Variants in NUDT11 observed in about 807,000 individuals in gnomAD.
NUDT11 encodes the protein diphosphoinositol polyphosphate phosphohydrolase 3-beta.
In NUDT11, 1 loss-of-function variant was observed where a neutral mutation model predicts 10.0. That is an observed-to-expected ratio of 0.10 (90% CI 0.04 to 0.47). The LOEUF (loss-of-function observed/expected upper bound fraction) is 0.47, where lower values mean the gene tolerates loss of function less well. Among genes scored for constraint, NUDT11 ranks in the 20% least tolerant of loss-of-function variants. The pLI is 0.96. For missense variants in NUDT11, 47 were observed against 140.4 expected (o/e 0.33, Z 3.36); for synonymous variants, 63 against 65.9 (o/e 0.96, Z 0.21).
Position 51,496,530 on chromosome X carries a change from G to C in NUDT11, c.-86C>G, listed in dbSNP as rs782114397. On this transcript the variant is annotated 5_prime_UTR_variant, in exon 1 of 2. Transcript: ENST00000375992. The stretch of plus-strand genomic sequence containing the variant: ...CTGCCGCTGCCGCCGCCGGGGAACA[G>C]CCGAGGTGCTGGGAAGAGAAAGGGC... 3 of 1,168,007 alleles carry C rather than the reference G, an allele frequency of 2.6e-6. No individual in the cohort carries two copies. The South Asian group carries it at 6.0e-5, about 23-fold the overall frequency.
intron 1 of NUDT11, among the ~76,000 whole-genome samples, chrX:51,493,044 G>A (rs782468833): frequency 1.8e-5 from 2 of 112,503 alleles, no homozygotes; most frequent in African/African-American, 3.2e-5. Flanking sequence ...TTATTTTCGA[G>A]TTTCTTCCCT....
intron 1 of NUDT11, among the ~76,000 whole-genome samples, chrX:51,493,722 C>T (rs1292389124): frequency 9.1e-6 from 1 of 109,384 alleles, no homozygotes; most frequent in African/African-American, 3.3e-5. Flanking sequence ...TGAAAAGTAA[C>T]ACTACATATT....
chrX:51,494,990 C>T (rs1752241265), intron 1 of NUDT11, among the ~76,000 whole-genome samples: 1 of 111,643 alleles, frequency 9.0e-6, no homozygotes, highest in Non-Finnish European at 1.9e-5. Flanking sequence ...CAAAAACGAA[C>T]TTAAATCCAG....
At chrX:51,494,696 G>C (rs1237093097) in intron 1 of NUDT11, among the ~76,000 whole-genome samples, 4 of 111,267 alleles carry the variant, frequency 3.6e-5, no homozygotes, top group Non-Finnish European at 5.7e-5. Context: ...AAAATAATGA[G>C]TAGGAGGTTT....
chrX:51,496,585 C>T lies in NUDT11; in HGVS notation c.-141G>A. The T allele has an allele frequency of 9.9e-7, 1 of 1,013,082 alleles. No homozygotes were observed. The highest frequency in any genetic ancestry group is 3.4e-5 in the East Asian group (1 of 29,316). The allele number at this position is 1,013,082 out of a possible 1,213,427, so 83.5% of individuals were successfully genotyped here. ...GCGAGGGGCGGGGAAAGAGAGGCGC[C>T]TCCGTCTGCCCGCGAGCCCGGGGAG... On this transcript the variant is annotated 5_prime_UTR_variant, in exon 1 of 2. Transcript: ENST00000375992.
rs2768104 is a variant in NUDT11, at chrX:51,496,574, A to G, written c.-130T>C. On this transcript the variant is annotated 5_prime_UTR_variant, in exon 1 of 2. Transcript: ENST00000375992. Reference sequence around the variant, plus strand: ...AAAGGGCCGAGGCGAGGGGCGGGGAAAGAGAGGCGCCTCCGTCTGCCCGCG... The same window carrying G: ...AAAGGGCCGAGGCGAGGGGCGGGGAGAGAGAGGCGCCTCCGTCTGCCCGCG... 11 of 1,042,071 alleles carry G rather than the reference A, an allele frequency of 1.1e-5. No homozygotes were observed. The highest frequency in any genetic ancestry group is 3.4e-5 in the East Asian group (1 of 29,635). 85.9% of individuals were successfully genotyped at this position (1,042,071 alleles called of 1,213,427 possible).
intron 1 of NUDT11, among the ~76,000 whole-genome samples, chrX:51,492,125 G>A (rs1444734096): frequency 8.9e-6 from 1 of 112,090 alleles, no homozygotes; most frequent in Non-Finnish European, 1.9e-5. Context: ...AACAGATTAA[G>A]TACAATAAAC....
At chrX:51,493,003 C>T (rs1040707386) in intron 1 of NUDT11, among the ~76,000 whole-genome samples, 1 of 112,448 alleles carries the variant, frequency 8.9e-6, no homozygotes, top group Non-Finnish European at 1.9e-5. Context: ...TCAATTGTTG[C>T]AAATGAATCT....
rs782693556 is a variant in NUDT11, at chrX:51,496,024, C to G, written c.421G>C (p.Glu141Gln). Residue 141 changes from glutamate (E) to glutamine (Q), a missense_variant, in exon 1 of 2, where the codon GAG becomes CAG. Glu to Gln is a conservative substitution (Grantham distance 29). Transcript: ENST00000375992. ...CHKPVHAEYLEKLKLGGSPTN... is the reference protein window; with the variant it reads ...CHKPVHAEYLQKLKLGGSPTN... ...GGGGAACCGCCCAGCTTTAGTTTCTCCAGATATTCGGCGTGCACGGGCTTG... is the reference window on the plus strand; with the variant it reads ...GGGGAACCGCCCAGCTTTAGTTTCTGCAGATATTCGGCGTGCACGGGCTTG... 3.3e-6 allele frequency: 4 copies of G among 1,208,213 alleles called. No individual in the cohort carries two copies. The African/African-American group carries it at 7.0e-5, about 21-fold the overall frequency.
chrX:51,493,397 TAGAA>T (rs1178754733), intron 1 of NUDT11, among the ~76,000 whole-genome samples: 1 of 111,791 alleles, frequency 8.9e-6, no homozygotes, highest in South Asian at 3.7e-4. Flanking sequence ...CTACTACTCT[TAGAA>T]GGAAAAAAAT....
chrX:51,492,711 G>A (rs1450103441), intron 1 of NUDT11, among the ~76,000 whole-genome samples: 1 of 111,676 alleles, frequency 9.0e-6, no homozygotes, highest in Non-Finnish European at 1.9e-5. Flanking sequence ...TTATGTTTTA[G>A]CACAGTCAGC....
Position 51,491,408 on chromosome X carries a change from C to T in NUDT11, c.*341G>A. ...TCAAAGAACCTTCAGTGATGCCAAC[C>T]ATATTTCAAGTAGTGTCTCAGATGC... On this transcript the variant is annotated 3_prime_UTR_variant, in exon 2 of 2. Coordinates refer to ENST00000375992, the MANE Select transcript of NUDT11 (RefSeq NM_018159.4). The T allele has an allele frequency of 9.6e-6, 2 of 209,419 alleles. No individual in the cohort carries two copies. The highest frequency in any genetic ancestry group is 1.7e-5 in the Non-Finnish European group (2 of 115,377). The allele number at this position is 209,419 out of a possible 1,213,427, so 17.3% of individuals were successfully genotyped here. A position where few individuals can be genotyped will look rare whatever the true frequency, so the allele number is the denominator to read the frequency against.
Position 51,496,113 on chromosome X carries a change from A to T in NUDT11, c.332T>A (p.Val111Asp). 2 of 1,211,479 alleles carry T rather than the reference A, an allele frequency of 1.7e-6. No homozygotes were observed. Among genetic ancestry groups the T allele is most frequent in the Non-Finnish European group, 2.2e-6 (2 of 895,283 alleles). ...TELLEDWEDS[V>D]SIGRKREWFK... ...CCACTCTCGCTTCCTCCCAATGCTA[A>T]CCGAATCTTCCCAATCCTCCAGCAG... The change falls in exon 1 of 2, where the codon GTT (valine) becomes GAT (aspartate). Residue 111 changes from valine (V) to aspartate (D), a missense_variant. Val to Asp is a radical substitution (Grantham distance 152, BLOSUM62 -3). Coordinates refer to ENST00000375992, the MANE Select transcript of NUDT11 (RefSeq NM_018159.4).
chrX:51,496,316 G>C lies in NUDT11; in HGVS notation c.129C>G (p.Asp43Glu). ...VLLVSSSRYP[D>E]RWIVPGGGME... ...TGCCCCCGCCCGGCACGATCCAGCG[G>C]TCCGGGTACCGGCTGCTACTCACTA... Residue 43 changes from aspartate (D) to glutamate (E), a missense_variant, in exon 1 of 2, where the codon GAC becomes GAG. By Grantham distance (45) the Asp-to-Glu change is conservative. Transcript: ENST00000375992. 1 of 1,208,348 alleles carries C rather than the reference G, an allele frequency of 8.3e-7. No homozygotes were observed. The highest frequency in any genetic ancestry group is 1.8e-5 in the South Asian group (1 of 56,375).
At chrX:51,495,855 C>T (rs1410135265) in intron 1 of NUDT11, 96 bp downstream of exon 1, 2 of 1,126,853 alleles carry the variant, frequency 1.8e-6, no homozygotes, top group Non-Finnish European at 2.4e-6. Context: ...CCCTCCTCCC[C>T]GTGAGACCGC....
rs782763208 is a variant in NUDT11, at chrX:51,490,291, T to C, written c.*1458A>G. On this transcript the variant is annotated 3_prime_UTR_variant, in exon 2 of 2. Coordinates refer to ENST00000375992, the MANE Select transcript of NUDT11 (RefSeq NM_018159.4). ...TACCATATCACATCTTAAAAAACAATAAATCAAGAAGTTATATTTTTATTT... is the reference window on the plus strand; with the variant it reads ...TACCATATCACATCTTAAAAAACAACAAATCAAGAAGTTATATTTTTATTT... The C allele has an allele frequency of 1.8e-5, 2 of 111,934 alleles. No individual in the cohort carries two copies. The highest frequency in any genetic ancestry group is 3.8e-5 in the Non-Finnish European group (2 of 53,218). The allele number at this position is 111,934 out of a possible 1,213,427, so 9.2% of individuals were successfully genotyped here.
chrX:51,491,636 T>C lies in NUDT11; in HGVS notation c.*113A>G. On this transcript the variant is annotated 3_prime_UTR_variant, in exon 2 of 2. Transcript: ENST00000375992. ...TCCCAAGATGCAGGAAGAAACCAGA[T>C]GAGCTGTCTTCTTGGGAACACAGAA... The C allele has an allele frequency of 1.8e-6, 1 of 546,650 alleles. No homozygotes were observed. Among genetic ancestry groups the C allele is most frequent in the Admixed American group, 2.3e-5 (1 of 43,677 alleles). 45.1% of individuals were successfully genotyped at this position (546,650 alleles called of 1,213,427 possible).
chrX:51,491,807 A>C, intron 1 of NUDT11, 58 bp from the exon 2 acceptor site: 2 of 570,265 alleles, frequency 3.5e-6, no homozygotes, highest in Non-Finnish European at 3.2e-6. Flanking sequence ...CCTCCAACTG[A>C]CAAATGTACC....
At chrX:51,491,966 C>T (rs1406703702) in intron 1 of NUDT11, among the ~76,000 whole-genome samples, 1 of 111,812 alleles carries the variant, frequency 8.9e-6, no homozygotes, top group Non-Finnish European at 1.9e-5. Flanking sequence ...AGGAAAGCAG[C>T]GATATCAGAA....
Sources: gnomAD v4.1 joint callset for allele counts (sites outside exome capture counted in the v4.1 genomes callset) on GRCh38, gnomAD v4.1.1 for gene constraint, MANE v1.5 for transcripts, NCBI Gene and HGNC (gene_info 2026-07-23, HGNC 2026-07-21) for gene names.